Variants in HK1 observed in about 807,000 individuals in gnomAD.
HK1 encodes hexokinase-1.
A neutral mutation model predicts 91.6 loss-of-function variants in HK1; 28 were observed. The ratio of observed to expected loss-of-function variants is 0.31; its 90% CI spans 0.23 to 0.42. HK1 has a LOEUF of 0.42. HK1 is among the 10% of genes least tolerant of loss of function. HK1 has a pLI of 1.00. For missense variants in HK1, 770 were observed against 1,219.8 expected (o/e 0.63, Z 5.49); for synonymous variants, 430 against 468.1 (o/e 0.92, Z 1.05).
At chr10:69,346,742 T>G (rs1848582665) in intron 2 of HK1, among the ~76,000 whole-genome samples, 1 of 151,956 alleles carries the variant, frequency 6.6e-6, no homozygotes, top group African/African-American at 2.4e-5. Context: ...CTAAAGTGGC[T>G]TTTTGCTGCT....
chr10:69,368,716 G>A (rs910604424), intron 5 of HK1, 85 bp downstream of exon 5: 20 of 1,059,166 alleles, frequency 1.9e-5, no homozygotes, highest in Non-Finnish European at 2.9e-5. Context: ...TGCCCTTCCT[G>A]GGGGGCAGTA....
chr10:69,357,874 T>C (rs1017924808), intron 2 of HK1, among the ~76,000 whole-genome samples: 1 of 152,016 alleles, frequency 6.6e-6, no homozygotes, highest in African/African-American at 2.4e-5. Flanking sequence ...AGTTAAAGGG[T>C]ATAGGGTTTC....
chr10:69,294,406 T>C (rs1005879421), intron 3 of HK1, among the ~76,000 whole-genome samples: 29 of 152,198 alleles, frequency 1.9e-4, no homozygotes, highest in African/African-American at 6.3e-4. Context: ...TTCCAAAATT[T>C]GTGAGGCAAA....
intron 1 of HK1, among the ~76,000 whole-genome samples, chr10:69,331,789 T>C (rs1057455888): frequency 1.3e-5 from 2 of 152,062 alleles, no homozygotes; most frequent in Admixed American, 6.6e-5. Flanking sequence ...GGTGAGAGGA[T>C]TGCTTGAGCC....
intron 3 of HK1, among the ~76,000 whole-genome samples, chr10:69,293,946 C>T (rs2132472407): frequency 6.7e-6 from 1 of 150,150 alleles, no homozygotes; most frequent in Admixed American, 6.7e-5. Flanking sequence ...ACTGCAAGCT[C>T]CGCCTCCCGG....
At chr10:69,336,108 G>A (rs1432505916) in intron 1 of HK1, among the ~76,000 whole-genome samples, 1 of 152,148 alleles carries the variant, frequency 6.6e-6, no homozygotes, top group African/African-American at 2.4e-5. Context: ...GAGACTGGGG[G>A]AAGAATTAAT....
intron 3 of HK1, 37 bp from the exon 4 acceptor site, chr10:69,364,746 C>T: frequency 6.2e-7 from 1 of 1,613,988 alleles, no homozygotes; most frequent in Middle Eastern, 1.6e-4. Context: ...GCTAAGCCTG[C>T]TTTGGGGCCC....
chr10:69,396,904 C>A (rs1348976772), intron 16 of HK1, among the ~76,000 whole-genome samples: 1 of 152,138 alleles, frequency 6.6e-6, no homozygotes, highest in Non-Finnish European at 1.5e-5. Context: ...AGGGTGGTCT[C>A]AAACTCCCGA....
At chr10:69,299,123 A>T (rs1295761681) in intron 4 of HK1, among the ~76,000 whole-genome samples, 1 of 150,832 alleles carries the variant, frequency 6.6e-6, no homozygotes, top group Non-Finnish European at 1.5e-5. Flanking sequence ...TATTTTTTTT[A>T]AATGAAAGTA....
intron 5 of HK1, among the ~76,000 whole-genome samples, chr10:69,302,739 C>G (rs11818471): frequency 0.027 from 3,057 of 111,212 alleles, 113 homozygotes; most frequent in African/African-American, 0.094. Context: ...CTGGGCAAAA[C>G]TATGGGACCC....
chr10:69,351,698 A>C (rs1848885162), intron 2 of HK1, among the ~76,000 whole-genome samples: 1 of 152,170 alleles, frequency 6.6e-6, no homozygotes, highest in South Asian at 2.1e-4. Context: ...ATGGTTATAC[A>C]TTATGGCTTC....
intron 16 of HK1, among the ~76,000 whole-genome samples, chr10:69,395,848 T>A (rs10823357): frequency 0.43 from 64,847 of 152,058 alleles, 14,994 homozygotes; most frequent in African/African-American, 0.6. Flanking sequence ...CTGTCCAGGG[T>A]ACATTTCTTC....
At chr10:69,284,357 C>T (rs573000767) in intron 2 of HK1, among the ~76,000 whole-genome samples, 11 of 152,178 alleles carry the variant, frequency 7.2e-5, no homozygotes, top group African/African-American at 2.2e-4. Flanking sequence ...AGCAGTGCCT[C>T]GCAGACAGGA....
At chr10:69,272,381 T>A (rs956967121) in intron 1 of HK1, among the ~76,000 whole-genome samples, 1 of 152,230 alleles carries the variant, frequency 6.6e-6, no homozygotes, top group African/African-American at 2.4e-5. Flanking sequence ...AATGTTCTAA[T>A]GGAGCTGGCA....
chr10:69,341,924 G>C (rs1848311144), intron 1 of HK1, among the ~76,000 whole-genome samples: 1 of 152,048 alleles, frequency 6.6e-6, no homozygotes, highest in Non-Finnish European at 1.5e-5. Flanking sequence ...TAGGTGGGTG[G>C]ATCACTTGAG....
chr10:69,386,906 G>A lies in HK1; in HGVS notation c.1935+488G>A, dbSNP rs79216520. ...GCCCGCAATAAAATAAGGGCTCATA[G>A]GTTTGTGTTGTTAAAAGATTATTAT... On this transcript the variant is annotated intron_variant, in intron 13 of 17. Transcript: ENST00000359426. 5.9e-3 allele frequency: 904 copies of A among 152,506 alleles called. 5 individuals are homozygous for A. Among genetic ancestry groups the A allele is most frequent in the Non-Finnish European group, 0.011 (727 of 68,276 alleles). 9.4% of individuals were successfully genotyped at this position (152,506 alleles called of 1,614,324 possible).
At chr10:69,277,707 A>T (rs1052260142) in intron 1 of HK1, among the ~76,000 whole-genome samples, 1 of 152,216 alleles carries the variant, frequency 6.6e-6, no homozygotes, top group African/African-American at 2.4e-5. Flanking sequence ...TAAATAAAAT[A>T]CTATTTACCA....
chr10:69,288,334 G>GT (rs2132452444), intron 2 of HK1, among the ~76,000 whole-genome samples: 1 of 152,172 alleles, frequency 6.6e-6, no homozygotes, highest in South Asian at 2.1e-4. Flanking sequence ...CCTTGACTGG[G>GT]TGCAGTAGCT....
At chr10:69,281,208 T>C (rs1269774959) in intron 1 of HK1, among the ~76,000 whole-genome samples, 1 of 152,184 alleles carries the variant, frequency 6.6e-6, no homozygotes, top group African/African-American at 2.4e-5. Flanking sequence ...AGATTCATGG[T>C]TCCACCCCAA....
Sources: allele counts gnomAD v4.1 joint callset (sites outside exome capture counted in the v4.1 genomes callset), GRCh38; gene constraint gnomAD v4.1.1; transcripts MANE v1.5; gene names NCBI Gene and HGNC (gene_info 2026-07-23, HGNC 2026-07-21).